Variants in PDE8B observed in about 807,000 individuals in gnomAD.
PDE8B encodes the protein high affinity cAMP-specific and IBMX-insensitive 3',5'-cyclic phosphodiesterase 8B.
In PDE8B, 26 loss-of-function variants were observed where a neutral mutation model predicts 101.3. The observed-to-expected ratio is 0.26, with a 90% confidence interval of 0.19 to 0.36. The LOEUF (loss-of-function observed/expected upper bound fraction) is 0.36, where lower values mean the gene tolerates loss of function less well. Among genes scored for constraint, PDE8B ranks in the 10% least tolerant of loss-of-function variants. The pLI is 1.00. For missense variants in PDE8B, 810 were observed against 1,163.1 expected, an observed-to-expected ratio of 0.70 and a Z score of 4.42; for synonymous variants, 424 against 429.3, an observed-to-expected ratio of 0.99 and a Z score of 0.15.
chr5:77,405,891 TAGAAA>T (rs1033372632), intron 12 of PDE8B, among the ~76,000 whole-genome samples: 2 of 152,074 alleles, frequency 1.3e-5, no homozygotes, highest in African/African-American at 4.8e-5. Context: ...GTGCCTGTGA[TAGAAA>T]AGAGAGATGA....
At chr5:77,331,892 CTGT>C (rs2150296964) in intron 5 of PDE8B, among the ~76,000 whole-genome samples, 1 of 152,328 alleles carries the variant, frequency 6.6e-6, no homozygotes, top group Admixed American at 6.5e-5. Context: ...CCCATGATGA[CTGT>C]AGCATCCTGT....
At chr5:77,346,630 A>G (rs1780202402) in intron 7 of PDE8B, among the ~76,000 whole-genome samples, 1 of 152,250 alleles carries the variant, frequency 6.6e-6, no homozygotes, top group African/African-American at 2.4e-5. Flanking sequence ...AACAGGAAGA[A>G]GCAGGAGCAT....
At chr5:77,388,648 A>G (rs1201777222) in intron 10 of PDE8B, among the ~76,000 whole-genome samples, 2 of 152,130 alleles carry the variant, frequency 1.3e-5, no homozygotes, top group Non-Finnish European at 2.9e-5. Context: ...CGGGATGTTT[A>G]AGTCTGCTGA....
intron 10 of PDE8B, among the ~76,000 whole-genome samples, chr5:77,390,051 A>G (rs943287236): frequency 1.3e-5 from 2 of 152,130 alleles, no homozygotes; most frequent in African/African-American, 4.8e-5. Flanking sequence ...ACTCCCTCCA[A>G]CTATGTATGA....
At chr5:77,255,249 TTTCTGCTGCTTTCAGACG>T (rs1313394899) in intron 1 of PDE8B, among the ~76,000 whole-genome samples, 61 of 152,132 alleles carry the variant, frequency 4.0e-4, no homozygotes, top group African/African-American at 1.4e-3. Context: ...TCTGGAAAGG[TTTCTGCTGCTTTCAGACG>T]TTCATTTTTC....
chr5:77,338,021 T>C (rs1470291908), intron 6 of PDE8B, among the ~76,000 whole-genome samples: 1 of 152,122 alleles, frequency 6.6e-6, no homozygotes, highest in Non-Finnish European at 1.5e-5. Context: ...TTTCCTCTCT[T>C]CTCAGCCAGA....
intron 21 of PDE8B, chr5:77,426,155 G>A: frequency 1.7e-6 from 1 of 590,290 alleles, no homozygotes. Flanking sequence ...CGCTGCCAAA[G>A]CTTACTGCAG....
At chr5:77,385,954 A>C (rs1017698479) in intron 10 of PDE8B, among the ~76,000 whole-genome samples, 5 of 151,856 alleles carry the variant, frequency 3.3e-5, no homozygotes, top group African/African-American at 1.2e-4. Flanking sequence ...ATGCCTGGTC[A>C]ATTTTTGTAT....
chr5:77,133,642 A>G, the PDE8B span, among the ~76,000 whole-genome samples: 1 of 152,214 alleles, frequency 6.6e-6, no homozygotes, highest in South Asian at 2.1e-4. Flanking sequence ...ACATTTTCTA[A>G]AACTGTCACC....
At chr5:77,357,563 T>G (rs1421831405) in intron 10 of PDE8B, among the ~76,000 whole-genome samples, 1 of 152,140 alleles carries the variant, frequency 6.6e-6, no homozygotes, top group Admixed American at 6.5e-5. Flanking sequence ...GGAGCTTCTC[T>G]CCAAACCCAG....
the PDE8B span, among the ~76,000 whole-genome samples, chr5:77,156,637 C>T: frequency 6.6e-6 from 1 of 152,184 alleles, no homozygotes. Flanking sequence ...AGAGAGATCA[C>T]AGCCCAGTAG....
chr5:77,355,405 G>A (rs764492687), intron 10 of PDE8B, among the ~76,000 whole-genome samples: 3 of 152,192 alleles, frequency 2.0e-5, no homozygotes, highest in Admixed American at 6.5e-5. Flanking sequence ...AGGCTGCAGC[G>A]AATGGCAATG....
chr5:77,251,670 C>T (rs1318936596), intron 1 of PDE8B, among the ~76,000 whole-genome samples: 2 of 152,204 alleles, frequency 1.3e-5, no homozygotes, highest in Admixed American at 6.5e-5. Context: ...GTTAGACTCT[C>T]CCACTGTATC....
intron 1 of PDE8B, among the ~76,000 whole-genome samples, chr5:77,293,049 A>G (rs1315102554): frequency 3.3e-5 from 5 of 152,036 alleles, no homozygotes; most frequent in Non-Finnish European, 7.4e-5. Flanking sequence ...AGCTGACTTA[A>G]TTTTTCTCCA....
At chr5:77,375,676 C>T (rs1230145595) in intron 10 of PDE8B, among the ~76,000 whole-genome samples, 1 of 152,108 alleles carries the variant, frequency 6.6e-6, no homozygotes, top group African/African-American at 2.4e-5. Flanking sequence ...CAGTCCATTC[C>T]TAACGGACTC....
At chr5:77,341,236 G>A (rs1779162933) in intron 6 of PDE8B, among the ~76,000 whole-genome samples, 1 of 152,082 alleles carries the variant, frequency 6.6e-6, no homozygotes, top group Non-Finnish European at 1.5e-5. Context: ...CTGAATAAAC[G>A]TTGTGGTCTG....
At chr5:77,123,544 G>A in the PDE8B span, among the ~76,000 whole-genome samples, 3 of 152,088 alleles carry the variant, frequency 2.0e-5, no homozygotes, top group African/African-American at 7.2e-5. Context: ...GATCGCTTGA[G>A]CCCAGGAATT....
chr5:77,122,963 G>T, the PDE8B span, among the ~76,000 whole-genome samples: 3 of 152,162 alleles, frequency 2.0e-5, no homozygotes, highest in African/African-American at 7.2e-5. Flanking sequence ...TGTGATTCAG[G>T]GAGATGAAAT....
intron 1 of PDE8B, among the ~76,000 whole-genome samples, chr5:77,308,504 C>T (rs561368268): frequency 1.3e-5 from 2 of 152,290 alleles, no homozygotes; most frequent in African/African-American, 4.8e-5. Flanking sequence ...GCTCTGCTGT[C>T]CTCCCACGAG....
Sources: allele counts gnomAD v4.1 joint callset (sites outside exome capture counted in the v4.1 genomes callset), GRCh38; gene constraint gnomAD v4.1.1; transcripts MANE v1.5; gene names NCBI Gene and HGNC (gene_info 2026-07-23, HGNC 2026-07-21).